The following GNAI2 variants were observed in gnomAD, a reference collection of about 807,000 sequenced individuals.
GNAI2 encodes guanine nucleotide-binding protein G(i) subunit alpha-2.
GNAI2 carries 4 observed loss-of-function variants against 36.8 expected under a neutral mutation model. The ratio of observed to expected loss-of-function variants is 0.11; its 90% confidence interval spans 0.05 to 0.25. The LOEUF is 0.25. GNAI2 is among the 10% of genes least tolerant of loss of function. The pLI is 1.00. For synonymous variants in GNAI2, 194 were observed against 194.1 expected (o/e 1.00, Z 0.01); for missense variants, 230 against 481.3 (o/e 0.48, Z 4.89).
rs1175240480 is a variant in GNAI2 at position 50,252,259 on chromosome 3, G to A, written c.161+117G>A. On this transcript the variant is annotated intron_variant, in intron 2 of 8. Coordinates refer to ENST00000313601, the MANE Select transcript of GNAI2 (RefSeq NM_002070.4). This position sits in a 1 kb window ranked among gnomAD's most constrained non-coding sequence, Gnocchi z 4.1. ...GTCTTAGCCAGGCCCAGAATCTTCT[G>A]AGAAGCAGAAGGACCCTCAGGTCCC... 5.6e-6 allele frequency: 8 copies of A among 1,415,938 alleles called. No homozygotes were observed. The highest frequency in any genetic ancestry group is 4.6e-5 in the East Asian group (2 of 43,678). 87.7% of individuals were successfully genotyped at this position (1,415,938 alleles called of 1,614,324 possible).
At chr3:50,232,158 C>T (rs1339325192), upstream of GNAI2, among the ~76,000 whole-genome samples, 2 of 152,004 alleles carry the variant, frequency 1.3e-5, no homozygotes, top group East Asian at 1.9e-4. Flanking sequence ...GGCAAAACCC[C>T]ATCTCTACTA....
At chr3:50,248,575 G>C (rs587683710) in intron 1 of GNAI2, among the ~76,000 whole-genome samples, 1 of 152,040 alleles carries the variant, frequency 6.6e-6, no homozygotes. Context: ...CCTCTGTCCC[G>C]TTGTTCCCCC....
In GNAI2 at chr3:50,247,022, C is replaced by T. The variant is rs782149249; in HGVS notation, c.119-5078C>T. 15 of 1,181,568 alleles carry T rather than the reference C, an allele frequency of 1.3e-5. No homozygotes were observed. In the South Asian group the frequency reaches 1.6e-4, roughly 12 times the overall value. The allele number at this position is 1,181,568 out of a possible 1,614,324, so 73.2% of individuals were successfully genotyped here. ...TTATCTGAAAATCTTCAGAAGCTTT[C>T]CTTCAAATGAGATGACCACAGCAGT... On this transcript the variant is annotated intron_variant, in intron 1 of 8. Coordinates refer to ENST00000313601, the MANE Select transcript of GNAI2 (RefSeq NM_002070.4).
rs961390506 is a variant in GNAI2 at position 50,236,888 on chromosome 3, G to A, written c.118+435G>A. Among the ~76,000 whole-genome samples, 7 of 152,140 alleles carry A rather than the reference G, an allele frequency of 4.6e-5. No homozygotes were observed. The highest frequency in any genetic ancestry group is 8.8e-5 in the Non-Finnish European group (6 of 67,986). On this transcript the variant is annotated intron_variant, in intron 1 of 8. Transcript: ENST00000313601. The surrounding 1 kb of genome is among the most constrained non-coding windows in gnomAD (Gnocchi z 4.0). ...CCTATTGGGCATGAGCATCCCGCGGGGCCCCTGCCAGGCCCCCCACCCACT... is the reference window on the plus strand; with the variant it reads ...CCTATTGGGCATGAGCATCCCGCGGAGCCCCTGCCAGGCCCCCCACCCACT...
In GNAI2 at chr3:50,241,055, C is replaced by A. The variant is rs1700288943; in HGVS notation, c.118+4602C>A. 6.6e-6 allele frequency among the ~76,000 whole-genome samples: 1 copy of A among 152,180 alleles called. No individual in the cohort carries two copies. The highest frequency in any genetic ancestry group is 1.5e-5 in the Non-Finnish European group (1 of 68,030). On this transcript the variant is annotated intron_variant, in intron 1 of 8. Transcript: ENST00000313601. The surrounding 1 kb of genome is among the most constrained non-coding windows in gnomAD (Gnocchi z 5.0). ...CCTAGGGAACCCCCTCCCCTGCCCT[C>A]AGGCAGCTGTTCACAGCAAGTGGGG...
chr3:50,251,283 C>T lies in GNAI2; in HGVS notation c.119-817C>T, dbSNP rs187896623. 5.7e-5 allele frequency: 44 copies of T among 771,940 alleles called. No individual in the cohort carries two copies. The African/African-American group carries it at 7.7e-4, about 14-fold the overall frequency. 47.8% of individuals were successfully genotyped at this position (771,940 alleles called of 1,614,324 possible). ...TTATTTTTCTGAGCCTCAATGTCCT[C>T]ATCTGTAGAATGGGAACAGAAACAG... On this transcript the variant is annotated intron_variant, in intron 1 of 8. Transcript: ENST00000313601.
chr3:50,257,959 C>T, intron 8 of GNAI2: 1 of 384,984 alleles, frequency 2.6e-6, no homozygotes, highest in East Asian at 3.9e-5. Context: ...CCTGGCCTTG[C>T]CCTGGGACAG....
rs199594927 is a variant in GNAI2 at position 50,256,907 on chromosome 3, C to G, written c.724-30C>G. Reference sequence around the variant, plus strand: ...GGGCAGCGGGCTTGGGGAGTGGTGGCTAGCGTTGACCTTGCTATTCTACCC... The same window carrying G: ...GGGCAGCGGGCTTGGGGAGTGGTGGGTAGCGTTGACCTTGCTATTCTACCC... On this transcript the variant is annotated intron_variant, in intron 6 of 8. Transcript: ENST00000313601. 81 of 1,613,648 alleles carry G rather than the reference C, an allele frequency of 5.0e-5. 2 individuals carry two copies. In the East Asian group the frequency reaches 1.1e-3, roughly 22 times the overall value.
Position 50,241,610 on chromosome 3 carries a change from T to C in GNAI2, c.118+5157T>C, listed in dbSNP as rs1384898041. 2.0e-5 allele frequency among the ~76,000 whole-genome samples: 3 copies of C among 151,992 alleles called. No individual in the cohort carries two copies. The highest frequency in any genetic ancestry group is 2.1e-4 in the South Asian group (1 of 4,824). ...CTCAGCTGGGGGCATCCCAGGCGGGTTGGGGAGAGGAACCCCAGACAGAGG... is the reference window on the plus strand; with the variant it reads ...CTCAGCTGGGGGCATCCCAGGCGGGCTGGGGAGAGGAACCCCAGACAGAGG... On this transcript the variant is annotated intron_variant, in intron 1 of 8. Coordinates refer to ENST00000313601, the MANE Select transcript of GNAI2 (RefSeq NM_002070.4). The surrounding 1 kb of genome is among the most constrained non-coding windows in gnomAD (Gnocchi z 5.0).
At chr3:50,235,183 T>C (rs1559763459), upstream of GNAI2, 1 of 151,540 alleles carries the variant, frequency 6.6e-6, no homozygotes, top group Non-Finnish European at 1.5e-5. Flanking sequence ...GGGTCCTGAT[T>C]GCCTGGTCCC....
chr3:50,250,478 G>A (rs1301207116), intron 1 of GNAI2, among the ~76,000 whole-genome samples: 1 of 152,180 alleles, frequency 6.6e-6, no homozygotes, highest in Admixed American at 6.5e-5. Flanking sequence ...ACGTATTCCC[G>A]GCAAAGAGAA....
chr3:50,232,203 G>A (rs1286118150), upstream of GNAI2, among the ~76,000 whole-genome samples: 9 of 152,130 alleles, frequency 5.9e-5, no homozygotes, highest in African/African-American at 1.4e-4. Context: ...GGTGGCAGGC[G>A]CCTGTAATCC....
Position 50,244,997 on chromosome 3 carries a change from AT to A in GNAI2, c.119-7087del, listed in dbSNP as rs11431707. ...CAGCACTAGAATCTGTGATGCTGTGATTTTTTTTTTTTTTTTCTGAGACTGA... is the reference window on the plus strand; with the variant it reads ...CAGCACTAGAATCTGTGATGCTGTGATTTTTTTTTTTTTTTCTGAGACTGA... On this transcript the variant is annotated intron_variant, in intron 1 of 8. Transcript: ENST00000313601. 3.6e-3 allele frequency among the ~76,000 whole-genome samples: 509 copies of A among 139,814 alleles called. 1 individual carries two copies. Among genetic ancestry groups the A allele is most frequent in the East Asian group, 0.012 (61 of 4,890 alleles). The allele number at this position is 139,814 out of a possible 152,430, so 91.7% of individuals were successfully genotyped here. A position where few individuals can be genotyped will look rare whatever the true frequency, so the allele number is the denominator to read the frequency against.
chr3:50,252,665 A>G lies in GNAI2; in HGVS notation c.303+127A>G. 1 of 780,418 alleles carries G rather than the reference A, an allele frequency of 1.3e-6. No homozygotes were observed. The highest frequency in any genetic ancestry group is 2.1e-6 in the Non-Finnish European group (1 of 486,588). The allele number at this position is 780,418 out of a possible 1,614,324, so 48.3% of individuals were successfully genotyped here. ...GGCGGGTGGATCACCTGAGGTCAGG[A>G]CCAGCCTGGCCAACTTGGTGAAACC... On this transcript the variant is annotated intron_variant, in intron 3 of 8. Transcript: ENST00000313601. The surrounding 1 kb of genome is among the most constrained non-coding windows in gnomAD (Gnocchi z 4.1).
At chr3:50,248,090 C>T (rs1228286196) in intron 1 of GNAI2, among the ~76,000 whole-genome samples, 1 of 152,198 alleles carries the variant, frequency 6.6e-6, no homozygotes, top group Non-Finnish European at 1.5e-5. Context: ...CAAAAATTAG[C>T]CGGGCGTGGT....
At chr3:50,235,009 A>G (rs376280273), upstream of GNAI2, among the ~76,000 whole-genome samples, 14 of 152,214 alleles carry the variant, frequency 9.2e-5, no homozygotes, top group African/African-American at 3.4e-4. Context: ...CCAGACGTGG[A>G]CAGGCCATGG....
chr3:50,242,377 G>A lies in GNAI2; in HGVS notation c.118+5924G>A, dbSNP rs1343228911. Among the ~76,000 whole-genome samples, 14 of 152,162 alleles carry A rather than the reference G, an allele frequency of 9.2e-5. No homozygotes were observed. The highest frequency in any genetic ancestry group is 3.4e-4 in the African/African-American group (14 of 41,430). The stretch of plus-strand genomic sequence containing the variant: ...AGGAATCCCAGCCTAGGAGTTGAGC[G>A]AGGAGGGGAAGGGGTCAGCAGGTTC... On this transcript the variant is annotated intron_variant, in intron 1 of 8. Coordinates refer to ENST00000313601, the MANE Select transcript of GNAI2 (RefSeq NM_002070.4). The surrounding 1 kb of genome is among the most constrained non-coding windows in gnomAD (Gnocchi z 4.8).
chr3:50,256,077 A>C, intron 4 of GNAI2, 115 bp from the exon 5 acceptor site: 3 of 423,402 alleles, frequency 7.1e-6, no homozygotes, highest in Non-Finnish European at 8.8e-6. Flanking sequence ...AAAAAAAGCA[A>C]GGGCTGTGCT....
intron 1 of GNAI2, among the ~76,000 whole-genome samples, chr3:50,247,578 G>A (rs934729189): frequency 5.3e-5 from 8 of 152,212 alleles, no homozygotes; most frequent in African/African-American, 2.4e-5. Flanking sequence ...TCTTGTTCAC[G>A]CAGGTGGAGT....
Sources: allele counts gnomAD v4.1 joint callset (sites outside exome capture counted in the v4.1 genomes callset), GRCh38; gene constraint gnomAD v4.1.1; non-coding constraint Gnocchi (gnomAD v3.1); transcripts MANE v1.5; gene names NCBI Gene and HGNC (gene_info 2026-07-23, HGNC 2026-07-21).